Variants in FAM227B observed in about 807,000 individuals in gnomAD.
FAM227B encodes family with sequence similarity 227 member B.
A neutral mutation model predicts 73.8 loss-of-function variants in FAM227B; 88 were observed. That is an observed-to-expected ratio of 1.19 (90% CI 1.00 to 1.42). FAM227B has a LOEUF of 1.42. FAM227B is among the 40% of genes most tolerant of loss of function. The pLI is 0.00. For synonymous variants in FAM227B, 210 were observed against 190.5 expected (o/e 1.10, Z -0.84); for missense variants, 632 against 590.9 (o/e 1.07, Z -0.72).
chr15:49,453,238 A>C (rs1385931452), intron 11 of FAM227B, among the ~76,000 whole-genome samples: 1 of 151,996 alleles, frequency 6.6e-6, no homozygotes, highest in Admixed American at 6.6e-5. Flanking sequence ...TTCAACACAT[A>C]ATCAGTATAA....
chr15:49,606,835 G>C (rs2077552758), intron 3 of FAM227B, among the ~76,000 whole-genome samples: 1 of 152,132 alleles, frequency 6.6e-6, no homozygotes, highest in South Asian at 2.1e-4. Context: ...AGGAAACAAG[G>C]GAAATGAAGA....
chr15:49,466,336 TC>T (rs2054264580), intron 11 of FAM227B, among the ~76,000 whole-genome samples: 1 of 152,144 alleles, frequency 6.6e-6, no homozygotes, highest in Non-Finnish European at 1.5e-5. Context: ...TCTATGTAAT[TC>T]CAGGAACTGG....
intron 10 of FAM227B, among the ~76,000 whole-genome samples, chr15:49,530,026 T>C (rs924094061): frequency 3.3e-5 from 5 of 151,804 alleles, no homozygotes; most frequent in African/African-American, 1.2e-4. Context: ...AGTTTTTATA[T>C]GTGGCTATCT....
intron 11 of FAM227B, among the ~76,000 whole-genome samples, chr15:49,407,619 TAATA>T (rs1416251025): frequency 6.7e-6 from 1 of 148,556 alleles, no homozygotes; most frequent in African/African-American, 2.4e-5. Flanking sequence ...TCATTCGTAC[TAATA>T]TATATGTATT....
intron 1 of FAM227B, among the ~76,000 whole-genome samples, chr15:49,619,979 G>A (rs1227995240): frequency 6.6e-6 from 1 of 152,088 alleles, no homozygotes; most frequent in Non-Finnish European, 1.5e-5. Flanking sequence ...ACTTACATGC[G>A]CTGATATTTC....
rs1463520733 is a variant in FAM227B, at chr15:49,334,717, C to T, written c.1349+702G>A. Among the ~76,000 whole-genome samples, 4 of 152,092 alleles carry T rather than the reference C, an allele frequency of 2.6e-5. 1 individual carries two copies. Among genetic ancestry groups the T allele is most frequent in the African/African-American group, 9.7e-5 (4 of 41,412 alleles). On this transcript the variant is annotated intron_variant, in intron 14 of 15. Transcript: ENST00000299338. ...CGCTGGATAGGACATAACTGGTGGT[C>T]CTCCATTTACTTCTCTTGGAGGTGC...
intron 12 of FAM227B, among the ~76,000 whole-genome samples, chr15:49,368,777 T>A (rs946630063): frequency 6.6e-6 from 1 of 152,220 alleles, no homozygotes; most frequent in African/African-American, 2.4e-5. Context: ...CATTCTATCT[T>A]ACTAAAATTC....
At chr15:49,518,893 CAA>C (rs1293681729) in intron 10 of FAM227B, among the ~76,000 whole-genome samples, 2 of 152,196 alleles carry the variant, frequency 1.3e-5, no homozygotes, top group Non-Finnish European at 2.9e-5. Flanking sequence ...ACCATTAACT[CAA>C]AAGTCTACAG....
chr15:49,617,723 T>A (rs2078378888), intron 1 of FAM227B, among the ~76,000 whole-genome samples: 1 of 152,006 alleles, frequency 6.6e-6, no homozygotes, highest in Non-Finnish European at 1.5e-5. Context: ...ATTTCACAGG[T>A]CTAGAGGTCG....
chr15:49,399,454 A>G (rs1176634670), intron 11 of FAM227B, among the ~76,000 whole-genome samples: 3 of 150,420 alleles, frequency 2.0e-5, no homozygotes, highest in African/African-American at 2.4e-5. Context: ...TTCTGAAAAT[A>G]TTCCAATCAA....
rs2041166369 is a variant in FAM227B, at chr15:49,344,373, ATTATT to A, written c.1272-8882_1272-8878del. On this transcript the variant is annotated intron_variant, in intron 13 of 15. Coordinates refer to ENST00000299338, the MANE Select transcript of FAM227B (RefSeq NM_152647.3). Reference sequence around the variant, plus strand: ...ATTTATGCATTCAAGTTTTATAATAATTATTTTAATGTTTGCAAAAGGTTACACTG... The same window carrying A: ...ATTTATGCATTCAAGTTTTATAATAATTAATGTTTGCAAAAGGTTACACTG... The A allele has an allele frequency of 2.0e-5, 3 of 152,182 alleles. No individual in the cohort carries two copies. The South Asian group carries it at 6.2e-4, about 31-fold the overall frequency. The allele number at this position is 152,182 out of a possible 1,614,324, so 9.4% of individuals were successfully genotyped here. A position where few individuals can be genotyped will look rare whatever the true frequency, so the allele number is the denominator to read the frequency against.
intron 11 of FAM227B, among the ~76,000 whole-genome samples, chr15:49,489,841 T>TTA (rs796713705): frequency 2.2e-4 from 5 of 23,000 alleles, no homozygotes; most frequent in African/African-American, 8.6e-4. Context: ...TATATATATT[T>TTA]TATATATATA....
At chr15:49,434,914 G>C (rs1436994469) in intron 11 of FAM227B, among the ~76,000 whole-genome samples, 1 of 151,292 alleles carries the variant, frequency 6.6e-6, no homozygotes, top group African/African-American at 2.4e-5. Context: ...TTCCTTTAAA[G>C]GGAAATTTTA....
chr15:49,527,106 T>C (rs1469180347), intron 10 of FAM227B, among the ~76,000 whole-genome samples: 1 of 151,902 alleles, frequency 6.6e-6, no homozygotes, highest in African/African-American at 2.4e-5. Flanking sequence ...CAGTTCAATA[T>C]TTCTGATGAA....
intron 4 of FAM227B, 27 bp downstream of exon 4, chr15:49,589,749 T>C (rs1315340669): frequency 6.5e-6 from 9 of 1,390,146 alleles, no homozygotes; most frequent in Non-Finnish European, 9.1e-6. Context: ...TCCATTTCTA[T>C]AAAAGATAAA....
At chr15:49,553,329 C>A (rs1313412510) in intron 9 of FAM227B, among the ~76,000 whole-genome samples, 2 of 152,208 alleles carry the variant, frequency 1.3e-5, no homozygotes, top group African/African-American at 4.8e-5. Flanking sequence ...TGGAGTGACA[C>A]AAGCACTCCT....
intron 3 of FAM227B, among the ~76,000 whole-genome samples, chr15:49,592,180 A>C (rs2076619935): frequency 1.3e-5 from 2 of 152,200 alleles, no homozygotes; most frequent in South Asian, 4.1e-4. Context: ...CAACTCATCA[A>C]AGTCATTCTC....
At chr15:49,373,615 T>C (rs2045979448) in intron 11 of FAM227B, among the ~76,000 whole-genome samples, 1 of 152,152 alleles carries the variant, frequency 6.6e-6, no homozygotes, top group African/African-American at 2.4e-5. Flanking sequence ...AATGTTCCAG[T>C]CTTCCTCCAC....
intron 11 of FAM227B, among the ~76,000 whole-genome samples, chr15:49,494,595 T>A (rs561272381): frequency 6.6e-6 from 1 of 152,248 alleles, no homozygotes; most frequent in South Asian, 2.1e-4. Flanking sequence ...TTTTTTTCCC[T>A]CACACAGTAT....
Sources: allele counts gnomAD v4.1 joint callset (sites outside exome capture counted in the v4.1 genomes callset), GRCh38; gene constraint gnomAD v4.1.1; transcripts MANE v1.5; gene names NCBI Gene and HGNC (gene_info 2026-07-23, HGNC 2026-07-21).